Variants in PUM1 observed in about 807,000 individuals in gnomAD.
PUM1 encodes the protein pumilio RNA binding family member 1.
PUM1 carries 13 observed loss-of-function variants against 131.8 expected under a neutral mutation model. The observed-to-expected ratio is 0.10, with a 90% CI of 0.06 to 0.16. PUM1 has a LOEUF of 0.16. Among genes scored for constraint, PUM1 ranks in the 10% least tolerant of loss-of-function variants. The probability of loss-of-function intolerance (pLI) is 1.00; values close to 1 mark genes in which losing one functional copy is unlikely to be tolerated. For missense variants in PUM1, 961 were observed against 1,512.4 expected, an observed-to-expected ratio of 0.64 and a Z score of 6.05; for synonymous variants, 509 against 556.5, an observed-to-expected ratio of 0.91 and a Z score of 1.20.
At chr1:30,999,653 C>T (rs942571749) in intron 5 of PUM1, among the ~76,000 whole-genome samples, 2 of 134,246 alleles carry the variant, frequency 1.5e-5, no homozygotes, top group African/African-American at 5.6e-5. Flanking sequence ...AGGTGCTGAA[C>T]CAGGGTGCAC....
intron 2 of PUM1, among the ~76,000 whole-genome samples, chr1:31,039,823 C>G (rs1403686989): frequency 6.6e-6 from 1 of 152,022 alleles, no homozygotes; most frequent in Non-Finnish European, 1.5e-5. Context: ...CGCTTGAACC[C>G]AGGAGGCAGA....
intron 2 of PUM1, among the ~76,000 whole-genome samples, chr1:31,035,149 T>TA (rs1213890389): frequency 6.6e-6 from 1 of 152,168 alleles, no homozygotes; most frequent in Non-Finnish European, 1.5e-5. Flanking sequence ...TTAATAGTCA[T>TA]AACTACACAG....
intron 7 of PUM1, 81 bp downstream of exon 7, chr1:30,992,297 GCCACCACCTCCC>G (rs1233317697): frequency 6.7e-7 from 1 of 1,502,104 alleles, no homozygotes; most frequent in Non-Finnish European, 9.0e-7. Context: ...CTGAAACAAT[GCCACCACCTCCC>G]CCATCCCCCC....
At chr1:31,051,932 T>C (rs1388420602) in intron 2 of PUM1, among the ~76,000 whole-genome samples, 3 of 152,152 alleles carry the variant, frequency 2.0e-5, no homozygotes, top group Non-Finnish European at 4.4e-5. Flanking sequence ...GACTTGACCT[T>C]AGGCTTTTAG....
intron 2 of PUM1, among the ~76,000 whole-genome samples, chr1:31,031,145 TAG>T (rs1256613940): frequency 8.4e-6 from 1 of 119,234 alleles, no homozygotes; most frequent in Non-Finnish European, 1.6e-5. Flanking sequence ...GGATGTTAGC[TAG>T]GAACTCTACA....
At chr1:31,000,181 T>C (rs1642154575) in intron 5 of PUM1, among the ~76,000 whole-genome samples, 1 of 152,246 alleles carries the variant, frequency 6.6e-6, no homozygotes, top group Non-Finnish European at 1.5e-5. Flanking sequence ...CAGAAAGGCA[T>C]GGTTTGTGAT....
intron 6 of PUM1, 27 bp downstream of exon 6, chr1:30,995,027 A>C (rs1641931345): frequency 6.3e-7 from 1 of 1,593,296 alleles, no homozygotes; most frequent in Non-Finnish European, 8.6e-7. Context: ...CCCATATTCA[A>C]AAATCAGAAG....
intron 21 of PUM1, 87 bp from the exon 22 acceptor site, chr1:30,933,429 CACACACACAT>C (rs984829255): frequency 6.8e-6 from 7 of 1,024,602 alleles, no homozygotes; most frequent in East Asian, 2.6e-5. Context: ...TGTCATGCAT[CACACACACAT>C]ACACACACAC....
intron 9 of PUM1, among the ~76,000 whole-genome samples, chr1:30,975,339 T>C (rs1017500775): frequency 7.1e-6 from 1 of 141,480 alleles, no homozygotes; most frequent in Non-Finnish European, 1.5e-5. Flanking sequence ...AAGTTGCTGT[T>C]ACTGTTTGTT....
At chr1:31,026,448 C>T (rs976792091) in intron 3 of PUM1, among the ~76,000 whole-genome samples, 8 of 152,234 alleles carry the variant, frequency 5.3e-5, no homozygotes, top group African/African-American at 1.9e-4. Context: ...ATGATCCTGC[C>T]TTCTCTGAAC....
intron 3 of PUM1, among the ~76,000 whole-genome samples, chr1:31,018,356 T>C (rs1422226065): frequency 1.3e-5 from 2 of 150,404 alleles, no homozygotes; most frequent in East Asian, 3.9e-4. Context: ...CTCAAAAAAA[T>C]AAAAATGAAA....
At chr1:30,982,389 G>C (rs1641389538) in intron 7 of PUM1, among the ~76,000 whole-genome samples, 1 of 152,108 alleles carries the variant, frequency 6.6e-6, no homozygotes, top group African/African-American at 2.4e-5. Flanking sequence ...GAATAGTATT[G>C]GTATAAAGAA....
chr1:30,933,313 C>T lies in PUM1; in HGVS notation c.3465G>A (p.Lys1155=). 5 of 1,613,920 alleles carry T rather than the reference C, an allele frequency of 3.1e-6. No individual in the cohort carries two copies. The highest frequency in any genetic ancestry group is 4.2e-6 in the Non-Finnish European group (5 of 1,179,846). ...CCAGAATGTGCTTGCCATAGGTGTA[C>T]TTACGAAGAGTTGCGATGTGGGGCC... The part of the protein sequence containing the change: ...KIRPHIATLR[K]YTYGKHILAK... Residue 1155 remains lysine, a synonymous_variant, in exon 22 of 22, where the codon AAG becomes AAA. Transcript: ENST00000426105.
At chr1:31,064,864 A>C (rs1644449579) in intron 1 of PUM1, among the ~76,000 whole-genome samples, 1 of 141,486 alleles carries the variant, frequency 7.1e-6, no homozygotes, top group Admixed American at 7.8e-5. Flanking sequence ...ATCTATGTTT[A>C]CCAAGCATGT....
chr1:30,998,265 A>G lies in PUM1; in HGVS notation c.721-3045T>C, dbSNP rs141674699. On this transcript the variant is annotated intron_variant, in intron 5 of 21. Transcript: ENST00000426105. ...GAAATCAACAATGGCCCTCCATAAA[A>G]ATGGCCAGCAGAAGTCTGACTTCTG... 4.8e-4 allele frequency among the ~76,000 whole-genome samples: 73 copies of G among 152,352 alleles called. No individual in the cohort carries two copies. The East Asian group carries it at 9.8e-3, about 20-fold the overall frequency.
intron 5 of PUM1, among the ~76,000 whole-genome samples, chr1:31,001,980 T>C (rs1642233330): frequency 6.6e-6 from 1 of 152,238 alleles, no homozygotes; most frequent in South Asian, 2.1e-4. Flanking sequence ...GCGTTTCTGA[T>C]AAGCTCCCAG....
chr1:30,995,349 A>C, intron 5 of PUM1, 129 bp from the exon 6 acceptor site: 1 of 985,892 alleles, frequency 1.0e-6, no homozygotes, highest in Admixed American at 2.2e-5. Flanking sequence ...ACACATTACA[A>C]TCTAATTAAC....
Position 30,974,557 on chromosome 1 carries a change from T to C in PUM1, c.1506+94A>G, listed in dbSNP as rs2124458516. ...TACACACAAGAGGAAATTCATGCAT[T>C]CACAGTGTTTTTCTATTAGGCGCAA... On this transcript the variant is annotated intron_variant, in intron 10 of 21. Coordinates refer to ENST00000426105, the MANE Select transcript of PUM1 (RefSeq NM_001020658.2). The C allele has an allele frequency of 3.2e-6, 4 of 1,234,570 alleles. No homozygotes were observed. The South Asian group carries it at 6.3e-5, about 19-fold the overall frequency. 76.5% of individuals were successfully genotyped at this position (1,234,570 alleles called of 1,614,324 possible). A position where few individuals can be genotyped will look rare whatever the true frequency, so the allele number is the denominator to read the frequency against.
chr1:30,937,974 G>A (rs1350948585), intron 20 of PUM1, among the ~76,000 whole-genome samples: 1 of 152,048 alleles, frequency 6.6e-6, no homozygotes, highest in Non-Finnish European at 1.5e-5. Context: ...GTTTCACCAT[G>A]TTGGTCAGGC....
Sources: gnomAD v4.1 joint callset for allele counts (sites outside exome capture counted in the v4.1 genomes callset) on GRCh38, gnomAD v4.1.1 for gene constraint, MANE v1.5 for transcripts, NCBI Gene and HGNC (gene_info 2026-07-23, HGNC 2026-07-21) for gene names.